Variants in AGBL1 observed in about 807,000 individuals in gnomAD.
AGBL1 encodes the protein AGBL carboxypeptidase 1.
AGBL1 carries 130 observed loss-of-function variants against 118.9 expected under a neutral mutation model. The ratio of observed to expected loss-of-function variants is 1.09; its 90% CI spans 0.95 to 1.26. The LOEUF is 1.26. AGBL1 is among the 50% of genes most tolerant of loss of function. The probability of loss-of-function intolerance (pLI) is 0.00; values close to 1 mark genes in which losing one functional copy is unlikely to be tolerated. For missense variants in AGBL1, 1,584 were observed against 1,298.1 expected (o/e 1.22, Z -3.38); for synonymous variants, 555 against 478.9 (o/e 1.16, Z -2.08).
chr15:86,726,939 C>T (rs112214827), intron 22 of AGBL1, among the ~76,000 whole-genome samples: 3 of 152,042 alleles, frequency 2.0e-5, no homozygotes, highest in Non-Finnish European at 4.4e-5. Context: ...ATGGTAGAAA[C>T]GTCGTTTTCC....
intron 21 of AGBL1, among the ~76,000 whole-genome samples, chr15:86,658,299 T>C (rs1211704289): frequency 6.6e-6 from 1 of 152,132 alleles, no homozygotes; most frequent in Admixed American, 6.6e-5. Context: ...CGTATAGGGA[T>C]TTTGTCCTTA....
At chr15:86,146,398 C>G (rs896964987) in intron 3 of AGBL1, among the ~76,000 whole-genome samples, 2 of 152,088 alleles carry the variant, frequency 1.3e-5, no homozygotes, top group Non-Finnish European at 2.9e-5. Context: ...TATGCAAATA[C>G]TACACCATTT....
At chr15:86,462,368 C>T (rs997691722) in intron 18 of AGBL1, among the ~76,000 whole-genome samples, 4 of 152,060 alleles carry the variant, frequency 2.6e-5, no homozygotes, top group South Asian at 2.1e-4. Context: ...TTAAGTTGTT[C>T]GCTGACTCCT....
intron 5 of AGBL1, among the ~76,000 whole-genome samples, chr15:86,166,656 A>T (rs191287934): frequency 4.9e-4 from 74 of 152,278 alleles, no homozygotes; most frequent in Middle Eastern, 3.4e-3. Flanking sequence ...TCAGGAACTC[A>T]TCCTGCGTGT....
At chr15:86,803,115 G>A (rs999431195) in intron 22 of AGBL1, among the ~76,000 whole-genome samples, 4 of 152,132 alleles carry the variant, frequency 2.6e-5, no homozygotes, top group African/African-American at 4.8e-5. Context: ...TTCATAAGGA[G>A]CATCATGTAT....
At chr15:86,291,811 G>T (rs2079549132) in intron 16 of AGBL1, among the ~76,000 whole-genome samples, 1 of 152,098 alleles carries the variant, frequency 6.6e-6, no homozygotes, top group African/African-American at 2.4e-5. Flanking sequence ...GGGGTATGTG[G>T]CTCCCTCCCA....
chr15:86,350,821 T>C (rs1410747968), intron 17 of AGBL1, among the ~76,000 whole-genome samples: 1 of 152,226 alleles, frequency 6.6e-6, no homozygotes, highest in Non-Finnish European at 1.5e-5. Flanking sequence ...GTTAGGAATT[T>C]ATACTCTGGC....
chr15:86,102,043 T>C (rs1454560905), intron 1 of AGBL1, among the ~76,000 whole-genome samples: 1 of 151,148 alleles, frequency 6.6e-6, no homozygotes, highest in East Asian at 1.9e-4. Context: ...TCTCTCTCTT[T>C]TTTTTTTTTT....
chr15:86,784,902 T>C (rs888803190), intron 22 of AGBL1, among the ~76,000 whole-genome samples: 5 of 152,160 alleles, frequency 3.3e-5, no homozygotes, highest in African/African-American at 1.2e-4. Context: ...AACTTTTCTA[T>C]AAATCAAGTT....
At chr15:86,205,830 A>T (rs573801385) in intron 5 of AGBL1, among the ~76,000 whole-genome samples, 1 of 152,180 alleles carries the variant, frequency 6.6e-6, no homozygotes, top group African/African-American at 2.4e-5. Context: ...TTTTTAATTT[A>T]ATTTTATTTT....
intron 22 of AGBL1, among the ~76,000 whole-genome samples, chr15:86,834,649 A>G (rs2079147866): frequency 6.6e-6 from 1 of 152,088 alleles, no homozygotes. Flanking sequence ...TTTTGACCTT[A>G]TGTGTCTCTA....
At chr15:86,465,572 T>G (rs1403105499) in intron 18 of AGBL1, among the ~76,000 whole-genome samples, 1 of 152,186 alleles carries the variant, frequency 6.6e-6, no homozygotes, top group Non-Finnish European at 1.5e-5. Context: ...ACGAATAACC[T>G]GGGAAAACGA....
intron 18 of AGBL1, among the ~76,000 whole-genome samples, chr15:86,444,007 T>C (rs1437506060): frequency 6.6e-6 from 1 of 152,186 alleles, no homozygotes; most frequent in Admixed American, 6.5e-5. Flanking sequence ...AGATTTGTTT[T>C]TAGTTTATGG....
At chr15:86,431,427 A>T (rs2142039325) in intron 18 of AGBL1, among the ~76,000 whole-genome samples, 1 of 152,368 alleles carries the variant, frequency 6.6e-6, no homozygotes, top group Non-Finnish European at 1.5e-5. Flanking sequence ...TGGTGTCCAC[A>T]AAAGTGTCTG....
chr15:86,740,893 C>A (rs147348291), intron 22 of AGBL1, among the ~76,000 whole-genome samples: 3 of 152,224 alleles, frequency 2.0e-5, no homozygotes, highest in African/African-American at 7.2e-5. Context: ...TGGAATGCCG[C>A]AGGATCCAGA....
At chr15:86,605,611 A>G (rs1255440618) in intron 21 of AGBL1, among the ~76,000 whole-genome samples, 1 of 152,194 alleles carries the variant, frequency 6.6e-6, no homozygotes, top group African/African-American at 2.4e-5. Flanking sequence ...TCTTAACAAC[A>G]CATGGAAGAC....
chr15:86,684,781 A>T (rs2086025016), intron 22 of AGBL1, among the ~76,000 whole-genome samples: 1 of 152,100 alleles, frequency 6.6e-6, no homozygotes, highest in African/African-American at 2.4e-5. Flanking sequence ...CTCCTTTCGG[A>T]TCTAATATCC....
intron 23 of AGBL1, among the ~76,000 whole-genome samples, chr15:86,934,571 C>T (rs1489355336): frequency 1.3e-5 from 2 of 151,886 alleles, no homozygotes; most frequent in African/African-American, 2.4e-5. Context: ...AAACTGTCTC[C>T]CAAAGTTCTT....
chr15:86,339,485 G>A (rs571720504), intron 17 of AGBL1, among the ~76,000 whole-genome samples: 32 of 151,952 alleles, frequency 2.1e-4, no homozygotes, highest in Non-Finnish European at 2.9e-5. Flanking sequence ...ATGAATGTTC[G>A]ATCTTCTATT....
Sources: gnomAD v4.1 joint callset for allele counts (sites outside exome capture counted in the v4.1 genomes callset) on GRCh38, gnomAD v4.1.1 for gene constraint, MANE v1.5 for transcripts, NCBI Gene and HGNC (gene_info 2026-07-23, HGNC 2026-07-21) for gene names.